Variants in ARHGAP44 observed in about 807,000 individuals in gnomAD.
The protein encoded by ARHGAP44 is rho GTPase-activating protein 44.
A neutral mutation model predicts 106.8 loss-of-function variants in ARHGAP44; 43 were observed. The observed-to-expected ratio is 0.40, with a 90% CI of 0.32 to 0.52. ARHGAP44 has a LOEUF of 0.52. Among genes scored for constraint, ARHGAP44 ranks in the 20% least tolerant of loss-of-function variants. The pLI is 0.48. For missense variants in ARHGAP44, 866 were observed against 1,050.5 expected, an observed-to-expected ratio of 0.82 and a Z score of 2.43; for synonymous variants, 439 against 410.3, an observed-to-expected ratio of 1.07 and a Z score of -0.85.
chr17:12,802,882 C>G (rs1359193833), intron 1 of ARHGAP44, among the ~76,000 whole-genome samples: 1 of 132,122 alleles, frequency 7.6e-6, no homozygotes, highest in African/African-American at 2.8e-5. Context: ...CCTTAGCATC[C>G]TAAATAGTTG....
At chr17:12,794,801 A>G (rs2033870601) in intron 1 of ARHGAP44, among the ~76,000 whole-genome samples, 1 of 152,086 alleles carries the variant, frequency 6.6e-6, no homozygotes, top group African/African-American at 2.4e-5. Flanking sequence ...AGGCCTAGGC[A>G]TTAGCCAGTG....
At chr17:12,930,207 T>C (rs1389240610) in intron 7 of ARHGAP44, among the ~76,000 whole-genome samples, 1 of 152,090 alleles carries the variant, frequency 6.6e-6, no homozygotes, top group Non-Finnish European at 1.5e-5. Flanking sequence ...ATTTTTACTG[T>C]GTTTTCTTTT....
chr17:12,951,152 A>G (rs2038982631), intron 12 of ARHGAP44, among the ~76,000 whole-genome samples: 1 of 152,218 alleles, frequency 6.6e-6, no homozygotes, highest in East Asian at 1.9e-4. Flanking sequence ...TCATGACATT[A>G]ATAATTACAA....
chr17:12,862,997 A>T (rs1047569286), intron 1 of ARHGAP44, among the ~76,000 whole-genome samples: 15 of 137,884 alleles, frequency 1.1e-4, no homozygotes, highest in African/African-American at 2.9e-4. Flanking sequence ...AAAATAAAAT[A>T]AAAAAAAAGG....
intron 7 of ARHGAP44, among the ~76,000 whole-genome samples, chr17:12,931,684 A>G (rs2038404926): frequency 6.6e-6 from 1 of 152,004 alleles, no homozygotes; most frequent in African/African-American, 2.4e-5. Flanking sequence ...TTTTTTTAGT[A>G]GAGACGGGGT....
Position 12,838,404 on chromosome 17 carries a change from A to G in ARHGAP44, c.53+48513A>G, listed in dbSNP as rs570172309. ...TGACTATTTCAGATGTTTTTTCTTT[A>G]GTAATTTCCTGCATTTTCCAAATGG... On this transcript the variant is annotated intron_variant, in intron 1 of 20. Transcript: ENST00000379672. Among the ~76,000 whole-genome samples, 11 of 152,338 alleles carry G rather than the reference A, an allele frequency of 7.2e-5. No homozygotes were observed. In the South Asian group the frequency reaches 2.3e-3, roughly 32 times the overall value.
chr17:12,963,288 T>C (rs376627514), intron 16 of ARHGAP44, among the ~76,000 whole-genome samples: 15 of 152,018 alleles, frequency 9.9e-5, no homozygotes, highest in Admixed American at 7.2e-4. Context: ...GTGGGAGAGG[T>C]GATGTTCTGG....
intron 10 of ARHGAP44, among the ~76,000 whole-genome samples, chr17:12,945,414 C>T (rs992634294): frequency 9.9e-5 from 15 of 152,158 alleles, no homozygotes; most frequent in Non-Finnish European, 1.8e-4. Flanking sequence ...ATCTTTACTC[C>T]GTCTTCCTTT....
chr17:12,956,788 C>G, intron 15 of ARHGAP44, 42 bp downstream of exon 15: 1 of 1,562,976 alleles, frequency 6.4e-7, no homozygotes, highest in African/African-American at 1.4e-5. Context: ...AGGCAGGGAA[C>G]AGGAGTATCA....
chr17:12,927,251 G>A (rs142257406), intron 6 of ARHGAP44, among the ~76,000 whole-genome samples: 146 of 152,202 alleles, frequency 9.6e-4, no homozygotes, highest in Non-Finnish European at 1.5e-3. Context: ...TAATTTTCCC[G>A]TGATTGCATT....
intron 6 of ARHGAP44, among the ~76,000 whole-genome samples, chr17:12,924,724 ATC>A (rs1224801116): frequency 6.6e-6 from 1 of 152,074 alleles, no homozygotes; most frequent in Non-Finnish European, 1.5e-5. Flanking sequence ...AGAAAGAGTG[ATC>A]TCTCTCTCTA....
In ARHGAP44 at chr17:12,984,671, T is replaced by C. The variant is rs1025452501; in HGVS notation, c.2080T>C (p.Tyr694His). 39 of 1,611,486 alleles carry C rather than the reference T, an allele frequency of 2.4e-5. No homozygotes were observed. Among genetic ancestry groups the C allele is most frequent in the Non-Finnish European group, 3.1e-5 (37 of 1,178,586 alleles). ...CACCCCGTCACCCTATGGACTGAGC[T>C]ACCCTCAGGGGTACTCCTTGGCCTC... is the stretch of plus-strand genomic sequence containing the variant. ...PSTPSPYGLS[Y>H]PQGYSLASGQ... The change falls in exon 20 of 21, where the codon TAC becomes CAC. Residue 694 changes from tyrosine to histidine, a missense_variant. Physicochemically the swap from Tyr to His is moderately conservative, Grantham distance 83. Around this residue, in one of 2 missense-constraint regions of ARHGAP44, gnomAD observed 418 missense variants for 403.6 expected, o/e 1.04. Transcript: ENST00000379672.
chr17:12,973,964 G>GC (rs1598146216), intron 17 of ARHGAP44, 125 bp from the exon 18 acceptor site: 2 of 1,039,460 alleles, frequency 1.9e-6, no homozygotes, highest in Non-Finnish European at 2.9e-6. Flanking sequence ...CGCTTCCCGG[G>GC]CCCCCGGGGT....
chr17:12,903,083 T>TGAGAGAGAGA (rs67363604), intron 3 of ARHGAP44, among the ~76,000 whole-genome samples: 5 of 70,144 alleles, frequency 7.1e-5, no homozygotes, highest in East Asian at 4.8e-4. Context: ...AGGGAATATA[T>TGAGAGAGAGA]GAGAGAGAGA....
intron 7 of ARHGAP44, among the ~76,000 whole-genome samples, chr17:12,937,629 A>G (rs1194479603): frequency 1.3e-5 from 2 of 152,166 alleles, no homozygotes; most frequent in East Asian, 1.9e-4. Context: ...AGAGTTGTTG[A>G]GTTTCAGTTT....
At chr17:12,973,968 C>T (rs2039597706) in intron 17 of ARHGAP44, 121 bp from the exon 18 acceptor site, 3 of 1,087,180 alleles carry the variant, frequency 2.8e-6, no homozygotes, top group African/African-American at 3.1e-5. Flanking sequence ...TCCCGGGCCC[C>T]CGGGGTGCTA....
chr17:12,833,581 G>A lies in ARHGAP44; in HGVS notation c.53+43690G>A, dbSNP rs994064395. 8.5e-5 allele frequency among the ~76,000 whole-genome samples: 13 copies of A among 152,112 alleles called. No homozygotes were observed. The East Asian group carries it at 2.5e-3, about 29-fold the overall frequency. ...TTCTAACCCCTTGGTGATGAAATGA[G>A]TCACACTCTATAAAATATTTGAAGA... On this transcript the variant is annotated intron_variant, in intron 1 of 20. Coordinates refer to ENST00000379672, the MANE Select transcript of ARHGAP44 (RefSeq NM_014859.6).
In ARHGAP44 at chr17:12,980,203, G is replaced by A. The variant is rs777023667; in HGVS notation, c.1909G>A (p.Ala637Thr). ...CAGCCCCAGCCCCAGCCAGCCGCCT[G>A]CAGACCAGAGTCCTCACACCCTCCG... ...GASPSPSQPPADQSPHTLRKV... is the reference protein window; with the variant it reads ...GASPSPSQPPTDQSPHTLRKV... The change falls in exon 19 of 21, where the codon GCA becomes ACA. Residue 637 changes from alanine to threonine, a missense_variant. Around this residue, in one of 2 missense-constraint regions of ARHGAP44, gnomAD observed 418 missense variants for 403.6 expected, o/e 1.04. Transcript: ENST00000379672. 7 of 1,613,154 alleles carry A rather than the reference G, an allele frequency of 4.3e-6. No individual in the cohort carries two copies. In the East Asian group the frequency reaches 1.1e-4, roughly 26 times the overall value.
At chr17:12,795,526 A>AT (rs5819387) in intron 1 of ARHGAP44, among the ~76,000 whole-genome samples, 1,468 of 142,602 alleles carry the variant, frequency 0.01, 30 homozygotes, top group East Asian at 0.1. Flanking sequence ...TTTATCAATG[A>AT]TTTTTTTTTT....
Sources: gnomAD v4.1 joint callset for allele counts (sites outside exome capture counted in the v4.1 genomes callset) on GRCh38, gnomAD v4.1.1 for gene constraint, gnomAD v4.1.1 regional missense constraint, MANE v1.5 for transcripts, NCBI Gene and HGNC (gene_info 2026-07-23, HGNC 2026-07-21) for gene names.